SURF4: variants seen among roughly 807,000 people sequenced by gnomAD.
SURF4 encodes the protein surfeit 4.
SURF4 carries 3 observed loss-of-function variants against 30.0 expected under a neutral mutation model. The ratio of observed to expected loss-of-function variants is 0.10; its 90% CI spans 0.05 to 0.26. The LOEUF (loss-of-function observed/expected upper bound fraction) is 0.26. SURF4 is among the 10% of genes least tolerant of loss of function. The pLI, the probability that SURF4 is intolerant of heterozygous loss-of-function variation, is 1.00. For missense variants in SURF4, 217 were observed against 350.8 expected (o/e 0.62, Z 3.05); for synonymous variants, 143 against 139.9 (o/e 1.02, Z -0.16).
Position 133,367,459 on chromosome 9 carries a change from G to GA in SURF4, c.49-15dup. The GA allele has an allele frequency of 1.2e-6, 2 of 1,612,522 alleles. No individual in the cohort carries two copies. Among genetic ancestry groups the GA allele is most frequent in the Non-Finnish European group, 1.7e-6 (2 of 1,180,006 alleles). On this transcript the variant is annotated splice_polypyrimidine_tract_variant and intron_variant, in intron 1 of 5. Coordinates refer to ENST00000371989, the MANE Select transcript of SURF4 (RefSeq NM_033161.4). ...GACACGGAGGAACTGCAGGGCCACA[G>GA]AAACCCAAGGGTGAGGTGGCTGCGG...
At chr9:133,365,446 G>T (rs958995344) in intron 4 of SURF4, among the ~76,000 whole-genome samples, 1 of 152,178 alleles carries the variant, frequency 6.6e-6, no homozygotes, top group African/African-American at 2.4e-5. Context: ...ATCCTCTTCA[G>T]AACCTGTTTC....
chr9:133,375,679 G>A (rs2130239380), intron 1 of SURF4, among the ~76,000 whole-genome samples: 4 of 152,108 alleles, frequency 2.6e-5, no homozygotes, highest in African/African-American at 7.2e-5. Flanking sequence ...GGGGCGGCTA[G>A]CCAGGCAGGG....
chr9:133,368,235 C>T (rs1242933420), intron 1 of SURF4, among the ~76,000 whole-genome samples: 1 of 152,240 alleles, frequency 6.6e-6, no homozygotes, highest in African/African-American at 2.4e-5. Flanking sequence ...AGTACCCTGA[C>T]AGAACAAGGG....
chr9:133,363,254 G>C lies in SURF4; in HGVS notation c.*239C>G. The C allele has an allele frequency of 1.4e-6, 1 of 710,904 alleles. No individual in the cohort carries two copies. The highest frequency in any genetic ancestry group is 2.5e-6 in the Non-Finnish European group (1 of 404,752). 44.0% of individuals were successfully genotyped at this position (710,904 alleles called of 1,614,324 possible). On this transcript the variant is annotated 3_prime_UTR_variant, in exon 6 of 6. Transcript: ENST00000371989. The surrounding 1 kb of genome is among the most constrained non-coding windows in gnomAD (Gnocchi z 4.3). ...CACTCCAAAGCCTCGGCGTGGGGGAGGCTTCCAGCTGCCAGGCTGGCCTGC... is the reference window on the plus strand; with the variant it reads ...CACTCCAAAGCCTCGGCGTGGGGGACGCTTCCAGCTGCCAGGCTGGCCTGC...
At chr9:133,364,364 T>G (rs782067085) in intron 5 of SURF4, among the ~76,000 whole-genome samples, 1 of 152,166 alleles carries the variant, frequency 6.6e-6, no homozygotes, top group African/African-American at 2.4e-5. Context: ...ACACAAGAGA[T>G]TGACGATGTT....
At chr9:133,373,905 G>T (rs1484929631) in intron 1 of SURF4, among the ~76,000 whole-genome samples, 2 of 38,258 alleles carry the variant, frequency 5.2e-5, no homozygotes, top group East Asian at 7.4e-4. Flanking sequence ...GCGAAATTCT[G>T]TCTCAAAAAA....
At chr9:133,368,046 T>C (rs1471968100) in intron 1 of SURF4, among the ~76,000 whole-genome samples, 2 of 152,210 alleles carry the variant, frequency 1.3e-5, no homozygotes, top group Non-Finnish European at 2.9e-5. Flanking sequence ...GCCAGGCATC[T>C]CCGCTGCTCT....
upstream of SURF4, chr9:133,376,632 C>T: frequency 2.2e-6 from 3 of 1,365,210 alleles, no homozygotes; most frequent in East Asian, 2.9e-5. Flanking sequence ...CTACGGCCGG[C>T]GGTTCCGACC....
At position 133,363,890 on chromosome 9, in the gene SURF4, C is replaced by T; in HGVS notation, c.544-131G>A. The T allele has an allele frequency of 1.7e-6, 2 of 1,175,130 alleles. No individual in the cohort carries two copies. Among genetic ancestry groups the T allele is most frequent in the East Asian group, 2.5e-5 (1 of 39,544 alleles). 72.8% of individuals were successfully genotyped at this position (1,175,130 alleles called of 1,614,324 possible). ...GCTGATGTAGCTACTGCTGAGACGG[C>T]TGCTGGTGCAAGTAGGGAGATAAAA... is the stretch of plus-strand genomic sequence containing the variant. On this transcript the variant is annotated intron_variant, in intron 5 of 5. Transcript: ENST00000371989. This position sits in a 1 kb window ranked among gnomAD's most constrained non-coding sequence, Gnocchi z 4.3.
At chr9:133,376,424 C>A (rs1171288221), upstream of SURF4, 1 of 1,501,546 alleles carries the variant, frequency 6.7e-7, no homozygotes, top group Non-Finnish European at 8.9e-7. Context: ...CTGACCCACG[C>A]GGGGTGGGGC....
intron 1 of SURF4, 108 bp downstream of exon 1, chr9:133,375,814 G>A: frequency 9.0e-7 from 1 of 1,116,862 alleles, no homozygotes; most frequent in Non-Finnish European, 1.1e-6. Context: ...GGAACAAGGA[G>A]TCAGGGGGCG....
chr9:133,366,983 C>T (rs139048708), intron 2 of SURF4, among the ~76,000 whole-genome samples: 331 of 152,350 alleles, frequency 2.2e-3, no homozygotes, highest in Middle Eastern at 3.4e-3. Context: ...GGACTGCCAG[C>T]CAGACTCCAG....
rs2130130324 is a variant in SURF4 at position 133,366,646 on chromosome 9, A to C, written c.265T>G (p.Phe89Val). The change falls in exon 3 of 6, where the codon TTC becomes GTC. Residue 89 changes from phenylalanine (F) to valine (V), a missense_variant. By Grantham distance (50) the Phe-to-Val change is conservative (BLOSUM62 -1). Transcript: ENST00000371989. ...AGCCCGAAGCAGGCGTACTGCACGA[A>C]GTTCCTGCTCAACACCAGGACGCAG... The part of the protein sequence containing the change: ...TGCVLVLSRN[F>V]VQYACFGLFG... 1.2e-6 allele frequency: 2 copies of C among 1,613,936 alleles called. No homozygotes were observed. The highest frequency in any genetic ancestry group is 2.2e-5 in the South Asian group (2 of 91,072).
chr9:133,364,075 G>A (rs1201193730), intron 5 of SURF4, among the ~76,000 whole-genome samples: 1 of 152,170 alleles, frequency 6.6e-6, no homozygotes, highest in East Asian at 1.9e-4. Flanking sequence ...AGCCATCCAG[G>A]CCAGAAACAT....
At chr9:133,375,258 G>T in intron 1 of SURF4, 1 of 985,468 alleles carries the variant, frequency 1.0e-6, no homozygotes, top group Non-Finnish European at 1.2e-6. Flanking sequence ...TCTGGAAGGA[G>T]ACTATCAGGG....
At chr9:133,364,797 T>C in intron 5 of SURF4, 43 bp downstream of exon 5, 3 of 1,606,618 alleles carry the variant, frequency 1.9e-6, no homozygotes, top group Non-Finnish European at 2.6e-6. Context: ...AGGGACAGCA[T>C]TCACAGGAAA....
In SURF4 at chr9:133,363,924, G is replaced by A; in HGVS notation, c.544-165C>T. 1 of 838,142 alleles carries A rather than the reference G, an allele frequency of 1.2e-6. No homozygotes were observed. The highest frequency in any genetic ancestry group is 2.0e-6 in the Non-Finnish European group (1 of 495,762). The allele number at this position is 838,142 out of a possible 1,614,324, so 51.9% of individuals were successfully genotyped here. On this transcript the variant is annotated intron_variant, in intron 5 of 5. Coordinates refer to ENST00000371989, the MANE Select transcript of SURF4 (RefSeq NM_033161.4). This position sits in a 1 kb window ranked among gnomAD's most constrained non-coding sequence, Gnocchi z 4.3. ...CAAGTAGGGAGATAAAAGCCAAAGG[G>A]AGGCAGGAGGCAATAAAGCACCAGC...
Position 133,363,956 on chromosome 9 carries a change from A to T in SURF4, c.544-197T>A. ...GAGGCAATAAAGCACCAGCTTTGAA[A>T]TGTGGAAGGTTTGGGGAAGACTGAA... On this transcript the variant is annotated intron_variant, in intron 5 of 5. Coordinates refer to ENST00000371989, the MANE Select transcript of SURF4 (RefSeq NM_033161.4). The surrounding 1 kb of genome is among the most constrained non-coding windows in gnomAD (Gnocchi z 4.3). 2.7e-6 allele frequency: 2 copies of T among 744,802 alleles called. No individual in the cohort carries two copies. The highest frequency in any genetic ancestry group is 1.5e-5 in the South Asian group (1 of 68,030). The allele number at this position is 744,802 out of a possible 1,614,324, so 46.1% of individuals were successfully genotyped here.
intron 4 of SURF4, among the ~76,000 whole-genome samples, chr9:133,365,418 T>C (rs2130117278): frequency 6.6e-6 from 1 of 152,276 alleles, no homozygotes; most frequent in Non-Finnish European, 1.5e-5. Flanking sequence ...GTCTCTACTA[T>C]TCTAGGGGCT....
Sources: gnomAD v4.1 joint callset for allele counts (sites outside exome capture counted in the v4.1 genomes callset) on GRCh38, gnomAD v4.1.1 for gene constraint, Gnocchi (gnomAD v3.1) non-coding constraint, MANE v1.5 for transcripts, NCBI Gene and HGNC (gene_info 2026-07-23, HGNC 2026-07-21) for gene names.